The following NUDCD1 variants were observed in gnomAD, a reference collection of about 807,000 sequenced individuals.
NUDCD1 encodes NudC domain containing 1, also known as nudC domain-containing protein 1.
A neutral mutation model predicts 67.8 loss-of-function variants in NUDCD1; 60 were observed. That is an observed-to-expected ratio of 0.88 (90% CI 0.72 to 1.10). The LOEUF is 1.10. NUDCD1 is among the 50% of genes least tolerant of loss of function. The probability of loss-of-function intolerance (pLI) is 0.00; values close to 1 mark genes in which losing one functional copy is unlikely to be tolerated. For synonymous variants in NUDCD1, 244 were observed against 230.8 expected, an observed-to-expected ratio of 1.06 and a Z score of -0.52; for missense variants, 643 against 695.0, an observed-to-expected ratio of 0.93 and a Z score of 0.84.
At chr8:109,277,269 A>G (rs1814311429) in intron 6 of NUDCD1, among the ~76,000 whole-genome samples, 1 of 152,186 alleles carries the variant, frequency 6.6e-6, no homozygotes, top group African/African-American at 2.4e-5. Flanking sequence ...TCTCTGAAAA[A>G]ATATATGTAA....
At chr8:109,328,541 G>A (rs769817838) in intron 1 of NUDCD1, among the ~76,000 whole-genome samples, 2 of 152,112 alleles carry the variant, frequency 1.3e-5, no homozygotes, top group African/African-American at 4.8e-5. Context: ...CATCTGAAAG[G>A]GTTGAAGAGA....
chr8:109,286,797 G>C (rs1252222919), intron 5 of NUDCD1, among the ~76,000 whole-genome samples: 1 of 152,048 alleles, frequency 6.6e-6, no homozygotes, highest in Admixed American at 6.6e-5. Flanking sequence ...TTAAATGAAA[G>C]AGTTCCTCCA....
chr8:109,323,228 C>T (rs966581545), intron 1 of NUDCD1, among the ~76,000 whole-genome samples: 2 of 152,164 alleles, frequency 1.3e-5, no homozygotes, highest in Non-Finnish European at 2.9e-5. Flanking sequence ...GGGCCAATAT[C>T]CTACCCTAAT....
chr8:109,318,300 C>T (rs1236667096), intron 2 of NUDCD1, among the ~76,000 whole-genome samples: 1 of 152,084 alleles, frequency 6.6e-6, no homozygotes, highest in East Asian at 1.9e-4. Context: ...CATCTGACTT[C>T]GAGTCAGAAA....
At chr8:109,292,306 G>C (rs1814728308) in intron 4 of NUDCD1, among the ~76,000 whole-genome samples, 1 of 152,018 alleles carries the variant, frequency 6.6e-6, no homozygotes, top group South Asian at 2.1e-4. Flanking sequence ...TAAAGTTACT[G>C]TGTTCCTCCA....
chr8:109,274,660 T>C (rs1004924966), intron 7 of NUDCD1, among the ~76,000 whole-genome samples: 4 of 152,164 alleles, frequency 2.6e-5, no homozygotes. Flanking sequence ...CTTTTCTATC[T>C]TAGGATGCAA....
intron 1 of NUDCD1, among the ~76,000 whole-genome samples, chr8:109,330,973 AG>A (rs1815791592): frequency 6.6e-6 from 1 of 152,086 alleles, no homozygotes; most frequent in Non-Finnish European, 1.5e-5. Context: ...TGACGGGTGC[AG>A]CAAACCACCA....
intron 8 of NUDCD1, among the ~76,000 whole-genome samples, chr8:109,253,667 ACTTC>A (rs1291301486): frequency 6.6e-6 from 1 of 152,336 alleles, no homozygotes; most frequent in East Asian, 1.9e-4. Flanking sequence ...AAACGATTGT[ACTTC>A]CAGTACCATT....
chr8:109,330,402 T>A (rs1714391002), intron 1 of NUDCD1, among the ~76,000 whole-genome samples: 1 of 152,244 alleles, frequency 6.6e-6, no homozygotes, highest in Non-Finnish European at 1.5e-5. Flanking sequence ...TTTGTGGAAC[T>A]AAAGTGAACT....
intron 1 of NUDCD1, among the ~76,000 whole-genome samples, chr8:109,332,201 C>T (rs778342469): frequency 1.3e-5 from 2 of 152,110 alleles, no homozygotes; most frequent in African/African-American, 2.4e-5. Flanking sequence ...CCGATAAGTA[C>T]GTCTTATGGA....
chr8:109,320,465 A>T (rs933214527), intron 2 of NUDCD1, among the ~76,000 whole-genome samples: 7 of 152,210 alleles, frequency 4.6e-5, no homozygotes, highest in African/African-American at 1.7e-4. Flanking sequence ...TCAGAGTTTA[A>T]GGTTATCTCT....
At chr8:109,275,962 T>C (rs1416010721) in intron 6 of NUDCD1, among the ~76,000 whole-genome samples, 1 of 152,188 alleles carries the variant, frequency 6.6e-6, no homozygotes, top group Non-Finnish European at 1.5e-5. Flanking sequence ...AGAGCCATAA[T>C]ATATGATTAT....
chr8:109,257,344 T>C (rs1175435860), intron 8 of NUDCD1, among the ~76,000 whole-genome samples: 1 of 151,902 alleles, frequency 6.6e-6, no homozygotes, highest in Non-Finnish European at 1.5e-5. Context: ...ACAAAATAAA[T>C]TGGGAATTAA....
At chr8:109,279,738 T>C (rs948539182) in intron 6 of NUDCD1, among the ~76,000 whole-genome samples, 1 of 152,158 alleles carries the variant, frequency 6.6e-6, no homozygotes, top group African/African-American at 2.4e-5. Context: ...TTCAAGTAGT[T>C]CTCCTGTCTC....
intron 8 of NUDCD1, among the ~76,000 whole-genome samples, chr8:109,246,329 A>C (rs1272683618): frequency 6.6e-6 from 1 of 152,222 alleles, no homozygotes; most frequent in Non-Finnish European, 1.5e-5. Flanking sequence ...TATAAATACT[A>C]ATCTTAACAA....
chr8:109,296,212 T>G (rs980077176), intron 3 of NUDCD1, among the ~76,000 whole-genome samples, 172 bp downstream of exon 3: 4 of 152,190 alleles, frequency 2.6e-5, no homozygotes, highest in Non-Finnish European at 4.4e-5. Context: ...ATGTAACAGT[T>G]TGTGAAAAAT....
intron 1 of NUDCD1, among the ~76,000 whole-genome samples, chr8:109,331,034 C>T (rs1386446692): frequency 1.3e-5 from 2 of 152,080 alleles, no homozygotes; most frequent in Non-Finnish European, 2.9e-5. Flanking sequence ...CACATGTACC[C>T]CGGAACTTCA....
intron 8 of NUDCD1, among the ~76,000 whole-genome samples, chr8:109,246,005 T>C (rs1813487311): frequency 6.6e-6 from 1 of 152,130 alleles, no homozygotes; most frequent in African/African-American, 2.4e-5. Context: ...GAAATGCACA[T>C]GCAAGGGATC....
chr8:109,249,589 G>A (rs770614419), intron 8 of NUDCD1, among the ~76,000 whole-genome samples: 11 of 152,102 alleles, frequency 7.2e-5, no homozygotes, highest in Non-Finnish European at 5.9e-5. Context: ...GGTTACAAAT[G>A]TATGCTTATT....
Sources: gnomAD v4.1 joint callset for allele counts (sites outside exome capture counted in the v4.1 genomes callset) on GRCh38, gnomAD v4.1.1 for gene constraint, MANE v1.5 for transcripts, NCBI Gene and HGNC (gene_info 2026-07-23, HGNC 2026-07-21) for gene names.